The following RC3H2 variants were observed in gnomAD, a reference collection of about 807,000 sequenced individuals.
RC3H2 encodes the protein ring finger and CCCH-type domains 2, also known as roquin-2.
RC3H2 carries 31 observed loss-of-function variants against 133.3 expected under a neutral mutation model. That is an observed-to-expected ratio of 0.23 (90% CI 0.17 to 0.31). The LOEUF (loss-of-function observed/expected upper bound fraction) is 0.31. Among genes scored for constraint, RC3H2 ranks in the 10% least tolerant of loss-of-function variants. The probability of loss-of-function intolerance (pLI) is 1.00; values close to 1 mark genes in which losing one functional copy is unlikely to be tolerated. For missense variants in RC3H2, 1,175 were observed against 1,437.2 expected, an observed-to-expected ratio of 0.82 and a Z score of 2.95; for synonymous variants, 517 against 502.2, an observed-to-expected ratio of 1.03 and a Z score of -0.40.
In RC3H2 at chr9:122,849,735, G is replaced by A. The variant is rs750547197; in HGVS notation, c.3468C>T (p.Ile1156=). The change falls in exon 21 of 21, where the codon ATC becomes ATT. Residue 1156 remains isoleucine (I), a synonymous_variant. Coordinates refer to ENST00000357244, the MANE Select transcript of RC3H2 (RefSeq NM_001100588.3). The part of the protein sequence containing the change: ...VSISNASCLP[I]TTSVSAGNLI... ...GGTTGCCAGCACTGACAGATGTGGTGATGGGGAGGCAACTTGCATTGCTAA... is the reference window on the plus strand; with the variant it reads ...GGTTGCCAGCACTGACAGATGTGGTAATGGGGAGGCAACTTGCATTGCTAA... The A allele has an allele frequency of 1.9e-6, 3 of 1,610,228 alleles. No individual in the cohort carries two copies. Among genetic ancestry groups the A allele is most frequent in the Non-Finnish European group, 2.5e-6 (3 of 1,178,078 alleles).
rs941558298 is a variant in RC3H2, at chr9:122,905,162, G to A, written c.-120C>T. The A allele has an allele frequency of 1.0e-6, 1 of 985,360 alleles. No homozygotes were observed. The highest frequency in any genetic ancestry group is 1.2e-6 in the Non-Finnish European group (1 of 829,964). The allele number at this position is 985,360 out of a possible 1,614,324, so 61.0% of individuals were successfully genotyped here. A position where few individuals can be genotyped will look rare whatever the true frequency, so the allele number is the denominator to read the frequency against. ...GGGCCGCTCCCGGGAGCCCCGCGAC[G>A]GCGCGGCTTGGCGACGGAGGCGCCT... On this transcript the variant is annotated 5_prime_UTR_variant, in exon 1 of 21. Transcript: ENST00000357244.
rs1830343373 is a variant in RC3H2 at position 122,858,740 on chromosome 9, A to G, written c.2212T>C (p.Ser738Pro). 2 of 1,614,168 alleles carry G rather than the reference A, an allele frequency of 1.2e-6. No homozygotes were observed. Among genetic ancestry groups the G allele is most frequent in the Non-Finnish European group, 1.7e-6 (2 of 1,180,030 alleles). Reference protein sequence around the residue: ...YQTSLRERYNSLDGYYSVACQ... With the variant: ...YQTSLRERYNPLDGYYSVACQ... ...GCCACCGAATAATATCCATCTAATGAGTTATATCTTTCCCGCAAAGATGTC... is the reference window on the plus strand; with the variant it reads ...GCCACCGAATAATATCCATCTAATGGGTTATATCTTTCCCGCAAAGATGTC... Residue 738 changes from serine (S) to proline (P), a missense_variant, in exon 12 of 21, where the codon TCA becomes CCA. Coordinates refer to ENST00000357244, the MANE Select transcript of RC3H2 (RefSeq NM_001100588.3).
intron 15 of RC3H2, 90 bp downstream of exon 15, chr9:122,855,092 AAC>A (rs1830190300): frequency 9.9e-7 from 1 of 1,008,574 alleles, no homozygotes; most frequent in African/African-American, 1.7e-5. Context: ...CAGTCTGGGC[AAC>A]AGAGTGAGAC....
chr9:122,901,504 T>C (rs1292451481), intron 1 of RC3H2, among the ~76,000 whole-genome samples: 2 of 152,088 alleles, frequency 1.3e-5, no homozygotes, highest in East Asian at 1.9e-4. Flanking sequence ...GTGAAGTATA[T>C]ATGACTCAAA....
intron 4 of RC3H2, 34 bp downstream of exon 4, chr9:122,890,278 C>T (rs751293223): frequency 1.3e-6 from 2 of 1,568,260 alleles, no homozygotes; most frequent in Admixed American, 1.7e-5. Flanking sequence ...GCCCCAATAG[C>T]TAATAAAAAA....
At position 122,905,248 on chromosome 9, in the gene RC3H2, AG is replaced by A. The variant is rs1263321261; in HGVS notation, c.-207del. ...GACCTCAAACTCCATCGGGAGCTAC[AG>A]GGACAGCCCCGTTGGCGGCGGCGAA... On this transcript the variant is annotated 5_prime_UTR_variant, in exon 1 of 21. Coordinates refer to ENST00000357244, the MANE Select transcript of RC3H2 (RefSeq NM_001100588.3). 1 of 985,606 alleles carries A rather than the reference AG, an allele frequency of 1.0e-6. No homozygotes were observed. Among genetic ancestry groups the A allele is most frequent in the Non-Finnish European group, 1.2e-6 (1 of 829,998 alleles). 61.1% of individuals were successfully genotyped at this position (985,606 alleles called of 1,614,324 possible). A position where few individuals can be genotyped will look rare whatever the true frequency, so the allele number is the denominator to read the frequency against.
intron 3 of RC3H2, 123 bp from the exon 4 acceptor site, chr9:122,890,668 A>G (rs1832123852): frequency 2.9e-6 from 2 of 685,556 alleles, no homozygotes; most frequent in African/African-American, 3.6e-5. Flanking sequence ...ATGTGCTTTC[A>G]TTTTTCTAAC....
chr9:122,885,343 T>C (rs996749505), intron 4 of RC3H2, among the ~76,000 whole-genome samples: 1 of 152,204 alleles, frequency 6.6e-6, no homozygotes, highest in Non-Finnish European at 1.5e-5. Flanking sequence ...CTTACAACTT[T>C]TCAGTAAATA....
chr9:122,898,042 T>C (rs888471542), intron 1 of RC3H2: 1 of 152,474 alleles, frequency 6.6e-6, no homozygotes, highest in Admixed American at 6.5e-5. Context: ...CAAACAATAT[T>C]GTAGAGACTC....
chr9:122,875,487 T>C, intron 9 of RC3H2: 1 of 1,351,334 alleles, frequency 7.4e-7, no homozygotes, highest in Admixed American at 2.9e-5. Flanking sequence ...GCTGTTTTTT[T>C]GCTACAGTGG....
Position 122,897,323 on chromosome 9 carries a change from C to T in RC3H2, c.187G>A (p.Val63Ile), listed in dbSNP as rs1303108009. 1 of 1,614,060 alleles carries T rather than the reference C, an allele frequency of 6.2e-7. No individual in the cohort carries two copies. The highest frequency in any genetic ancestry group is 1.3e-5 in the African/African-American group (1 of 74,944). ...DQTAINTDID[V>I]LPVNFALLQL... is the part of the protein sequence containing the mutation. ...AGAAGTGCGAAGTTGACAGGAAGTA[C>T]ATCAATATCTGTGTTGATGGCAGTC... is the stretch of plus-strand genomic sequence containing the variant. The change falls in exon 2 of 21, where the codon GTA (valine) becomes ATA (isoleucine). Residue 63 changes from valine to isoleucine, a missense_variant. This residue lies in a region of RC3H2 where 41 missense variants were observed against 88.0 expected (regional missense o/e 0.47). Transcript: ENST00000357244.
chr9:122,878,707 T>C (rs952528793), intron 8 of RC3H2, among the ~76,000 whole-genome samples: 1 of 152,112 alleles, frequency 6.6e-6, no homozygotes, highest in Non-Finnish European at 1.5e-5. Context: ...TAATAATTTA[T>C]TAAATAGAAG....
At chr9:122,872,735 C>A (rs763491893) in intron 9 of RC3H2, among the ~76,000 whole-genome samples, 2 of 152,206 alleles carry the variant, frequency 1.3e-5, no homozygotes, top group African/African-American at 2.4e-5. Flanking sequence ...CAGGCGTGCA[C>A]CACCATGCCC....
chr9:122,901,364 T>C (rs1354967768), intron 1 of RC3H2, among the ~76,000 whole-genome samples: 2 of 152,156 alleles, frequency 1.3e-5, no homozygotes, highest in African/African-American at 2.4e-5. Context: ...TTTGGATCTC[T>C]AGCTAAAAGA....
chr9:122,901,508 A>C (rs1009037283), intron 1 of RC3H2, among the ~76,000 whole-genome samples: 1 of 151,788 alleles, frequency 6.6e-6, no homozygotes, highest in Non-Finnish European at 1.5e-5. Context: ...AGTATATATG[A>C]CTCAAATTTT....
At chr9:122,862,711 A>G (rs1175417566) in intron 10 of RC3H2, among the ~76,000 whole-genome samples, 1 of 152,120 alleles carries the variant, frequency 6.6e-6, no homozygotes, top group Non-Finnish European at 1.5e-5. Flanking sequence ...TCTGGCCAAC[A>G]TGGCGAAACC....
chr9:122,880,499 A>C, intron 6 of RC3H2, 95 bp downstream of exon 6: 1 of 956,364 alleles, frequency 1.0e-6, no homozygotes, highest in South Asian at 1.5e-5. Context: ...AAACATAGGA[A>C]TCTCCAACTG....
At position 122,846,974 on chromosome 9, in the gene RC3H2, G is replaced by T. The variant is rs1172332229; in HGVS notation, c.*2653C>A. The T allele has an allele frequency of 6.6e-6, 1 of 152,142 alleles. No homozygotes were observed. The highest frequency in any genetic ancestry group is 3.2e-3 in the Middle Eastern group (1 of 316). 9.4% of individuals were successfully genotyped at this position (152,142 alleles called of 1,614,324 possible). On this transcript the variant is annotated 3_prime_UTR_variant, in exon 21 of 21. Transcript: ENST00000357244. ...GGTGACCACTACATAGAGAATGGAT[G>T]CAACACAGAATAATCTCAACACAGA... is the stretch of plus-strand genomic sequence containing the variant.
chr9:122,892,171 G>A (rs1832205214), intron 3 of RC3H2, among the ~76,000 whole-genome samples: 1 of 151,870 alleles, frequency 6.6e-6, no homozygotes, highest in Admixed American at 6.6e-5. Flanking sequence ...GAGTGCAGTG[G>A]CACGATCACA....
Sources: allele counts gnomAD v4.1 joint callset (sites outside exome capture counted in the v4.1 genomes callset), GRCh38; gene constraint gnomAD v4.1.1; regional missense constraint gnomAD v4.1.1; transcripts MANE v1.5; gene names NCBI Gene and HGNC (gene_info 2026-07-23, HGNC 2026-07-21).